Variants in MED12L observed in about 807,000 individuals in gnomAD.
MED12L encodes mediator of RNA polymerase II transcription subunit 12-like protein.
Under a neutral mutation model 281.3 loss-of-function variants are expected in MED12L, and 60 were observed. That is an observed-to-expected ratio of 0.21 (90% CI 0.17 to 0.26). MED12L has a LOEUF of 0.26. Among genes scored for constraint, MED12L ranks in the 10% least tolerant of loss-of-function variants. The pLI, the probability that MED12L is intolerant of heterozygous loss-of-function variation, is 1.00. For missense variants in MED12L, 2,146 were observed against 2,680.9 expected (o/e 0.80, Z 4.41); for synonymous variants, 974 against 987.2 (o/e 0.99, Z 0.25).
In MED12L at chr3:151,256,327, A is replaced by G. The variant is rs557439571; in HGVS notation, c.2250+62661A>G. 1.1e-4 allele frequency among the ~76,000 whole-genome samples: 16 copies of G among 152,318 alleles called. No homozygotes were observed. In the East Asian group the frequency reaches 3.1e-3, roughly 29 times the overall value. On this transcript the variant is annotated intron_variant, in intron 16 of 44. Transcript: ENST00000687756. ...ATGATGGAGTGCTTCTCGGAGCTTT[A>G]CATTTTTGCCTCAACATGCCTAAGG... is the stretch of plus-strand genomic sequence containing the variant.
intron 11 of MED12L, among the ~76,000 whole-genome samples, chr3:151,175,650 G>T (rs1399906425): frequency 1.3e-5 from 2 of 152,180 alleles, no homozygotes; most frequent in Non-Finnish European, 2.9e-5. Context: ...AGGGATAGAA[G>T]ACCTGTGGTT....
At chr3:151,356,939 G>T (rs1577424630) in intron 19 of MED12L, among the ~76,000 whole-genome samples, 1 of 151,978 alleles carries the variant, frequency 6.6e-6, no homozygotes, top group East Asian at 1.9e-4. Flanking sequence ...TGAGGGGTGG[G>T]GTTTTCTAAA....
chr3:151,191,007 A>T (rs780764992), intron 14 of MED12L, 76 bp downstream of exon 14: 1 of 1,295,808 alleles, frequency 7.7e-7, no homozygotes, highest in Non-Finnish European at 1.1e-6. Flanking sequence ...TGGGTCATGT[A>T]GTGGTAGAAG....
intron 16 of MED12L, chr3:151,213,418 T>A: frequency 6.2e-7 from 1 of 1,614,156 alleles, no homozygotes; most frequent in Non-Finnish European, 8.5e-7. Flanking sequence ...CCTAAACGGC[T>A]GGCATAGAAA....
At chr3:151,127,105 G>T (rs1371927949) in intron 4 of MED12L, among the ~76,000 whole-genome samples, 1 of 152,184 alleles carries the variant, frequency 6.6e-6, no homozygotes, top group African/African-American at 2.4e-5. Flanking sequence ...ATTTATGAGG[G>T]ATACTAGAAG....
chr3:151,307,620 T>G (rs1746880509), intron 16 of MED12L, among the ~76,000 whole-genome samples: 1 of 150,604 alleles, frequency 6.6e-6, no homozygotes, highest in Admixed American at 6.6e-5. Context: ...TAAAGTGGAT[T>G]GTAAACTCCC....
intron 9 of MED12L, among the ~76,000 whole-genome samples, chr3:151,164,786 G>T (rs1720465950): frequency 6.6e-6 from 1 of 152,006 alleles, no homozygotes; most frequent in South Asian, 2.1e-4. Flanking sequence ...CTCACTCATA[G>T]GTGGGAATGG....
chr3:151,150,426 A>G (rs1041301480), intron 5 of MED12L, among the ~76,000 whole-genome samples: 2 of 152,184 alleles, frequency 1.3e-5, no homozygotes, highest in African/African-American at 4.8e-5. Context: ...CTGTAAACAA[A>G]TGTCCTGTCC....
At chr3:151,337,877 G>A in intron 16 of MED12L, 1 of 1,614,002 alleles carries the variant, frequency 6.2e-7, no homozygotes, top group Non-Finnish European at 8.5e-7. Flanking sequence ...TATTGTCCTG[G>A]GACAGAGATG....
intron 16 of MED12L, among the ~76,000 whole-genome samples, chr3:151,318,705 G>A (rs73006545): frequency 0.047 from 7,137 of 152,048 alleles, 555 homozygotes; most frequent in African/African-American, 0.16. Context: ...TATTTGACAG[G>A]CTTCTGTTAT....
chr3:151,161,452 G>C (rs1719969205), intron 8 of MED12L, among the ~76,000 whole-genome samples: 1 of 152,186 alleles, frequency 6.6e-6, no homozygotes, highest in Non-Finnish European at 1.5e-5. Context: ...CTGAAGGACA[G>C]GAGTGCTTAA....
At chr3:151,394,918 A>G (rs1375565611) in intron 39 of MED12L, 51 bp downstream of exon 39, 1 of 1,608,980 alleles carries the variant, frequency 6.2e-7, no homozygotes, top group South Asian at 1.1e-5. Context: ...TACCTCTGCT[A>G]GCTTGGGATA....
chr3:151,118,605 C>T (rs6801591), intron 3 of MED12L, among the ~76,000 whole-genome samples: 33,059 of 150,756 alleles, frequency 0.22, 3,910 homozygotes, highest in African/African-American at 0.32. Context: ...ACATTTGCAT[C>T]GTTGTTGCAA....
At chr3:151,203,062 CG>C (rs1231769428) in intron 16 of MED12L, 3 of 151,990 alleles carry the variant, frequency 2.0e-5, no homozygotes, top group African/African-American at 7.3e-5. Context: ...TTGTTTTCCA[CG>C]GAAAAGCATT....
At chr3:151,172,218 C>A (rs962623016) in intron 11 of MED12L, among the ~76,000 whole-genome samples, 1 of 152,160 alleles carries the variant, frequency 6.6e-6, no homozygotes, top group African/African-American at 2.4e-5. Context: ...GGACAATTCA[C>A]GTATTTTTGA....
chr3:151,379,993 T>A lies in MED12L; in HGVS notation c.4479-120T>A, dbSNP rs192877724. 2.0e-3 allele frequency: 1,248 copies of A among 616,410 alleles called. 4 individuals are homozygous for A. Among genetic ancestry groups the A allele is most frequent in the Non-Finnish European group, 2.4e-3 (855 of 359,566 alleles). The allele number at this position is 616,410 out of a possible 1,614,324, so 38.2% of individuals were successfully genotyped here. A position where few individuals can be genotyped will look rare whatever the true frequency, so the allele number is the denominator to read the frequency against. On this transcript the variant is annotated intron_variant, in intron 31 of 44. Transcript: ENST00000687756. ...AGGTATGATTTAAATTTTCAAGCAGTCTTTGGCTATTTACCACCTCTCTTA... is the reference window on the plus strand; with the variant it reads ...AGGTATGATTTAAATTTTCAAGCAGACTTTGGCTATTTACCACCTCTCTTA...
chr3:151,123,382 C>A (rs907908421), intron 4 of MED12L, among the ~76,000 whole-genome samples: 1 of 152,218 alleles, frequency 6.6e-6, no homozygotes, highest in South Asian at 2.1e-4. Context: ...CAAGCTGTCT[C>A]CTTCCTACCA....
chr3:151,165,390 A>G (rs376148788), intron 9 of MED12L, 30 bp from the exon 10 acceptor site: 99 of 1,577,858 alleles, frequency 6.3e-5, no homozygotes, highest in Non-Finnish European at 8.2e-5. Context: ...CATTCCAAGC[A>G]CAAGTTAATT....
chr3:151,376,678 A>G (rs534332034), intron 28 of MED12L, 122 bp from the exon 29 acceptor site: 8 of 803,766 alleles, frequency 1.0e-5, no homozygotes, highest in South Asian at 1.7e-5. Flanking sequence ...TTTGACTCAT[A>G]TAAATTATTT....
Sources: allele counts gnomAD v4.1 joint callset (sites outside exome capture counted in the v4.1 genomes callset), GRCh38; gene constraint gnomAD v4.1.1; transcripts MANE v1.5; gene names NCBI Gene and HGNC (gene_info 2026-07-23, HGNC 2026-07-21).